The following NLRP2 variants were observed in gnomAD, a reference collection of about 807,000 sequenced individuals.
NLRP2 encodes NACHT, LRR and PYD domains-containing protein 2.
NLRP2 carries 107 observed loss-of-function variants against 97.2 expected under a neutral mutation model. The observed-to-expected ratio is 1.10, with a 90% CI of 0.94 to 1.29. NLRP2 has a LOEUF of 1.29. Ranked by LOEUF, NLRP2 falls within the 50% of genes most tolerant of loss-of-function variation. NLRP2 has a pLI of 0.00. For missense variants in NLRP2, 1,495 were observed against 1,330.3 expected (o/e 1.12, Z -1.93); for synonymous variants, 663 against 551.5 (o/e 1.20, Z -2.83).
intron 11 of NLRP2, among the ~76,000 whole-genome samples, chr19:54,996,034 T>G: frequency 1.1e-5 from 1 of 90,246 alleles, no homozygotes. Context: ...TGAGATCCTG[T>G]CTCAAAAAAA....
chr19:55,001,031 C>CCAGCA lies in NLRP2; in HGVS notation c.*133_*134insCAGCA. ...TCATTGCTGGGCTAGATGTTTTAGC[C>CCAGCA]ATGATTCTGCCTCTGTTTTATACCT... On this transcript the variant is annotated 3_prime_UTR_variant, in exon 13 of 13. Transcript: ENST00000448584. 1 of 772,288 alleles carries CCAGCA rather than the reference C, an allele frequency of 1.3e-6. No individual in the cohort carries two copies. The highest frequency in any genetic ancestry group is 2.2e-6 in the Non-Finnish European group (1 of 451,306). 47.8% of individuals were successfully genotyped at this position (772,288 alleles called of 1,614,324 possible).
At position 54,977,736 on chromosome 19, in the gene NLRP2, C is replaced by T. The variant is rs201748462; in HGVS notation, c.326-16C>T. On this transcript the variant is annotated splice_polypyrimidine_tract_variant and intron_variant, in intron 3 of 12. Coordinates refer to ENST00000448584, the MANE Select transcript of NLRP2 (RefSeq NM_017852.5). ...CAGCACAGCAACAGGCCTGTAATGC[C>T]GCCCTTTTTCTCCAGGGATAACACG... 54 of 1,613,502 alleles carry T rather than the reference C, an allele frequency of 3.3e-5. No homozygotes were observed. The highest frequency in any genetic ancestry group is 7.7e-5 in the South Asian group (7 of 91,054).
At chr19:54,996,929 C>T (rs1401392276) in intron 11 of NLRP2, among the ~76,000 whole-genome samples, 2 of 152,030 alleles carry the variant, frequency 1.3e-5, no homozygotes, top group Non-Finnish European at 2.9e-5. Flanking sequence ...TTTTTTGAGA[C>T]CGGAGTCTCA....
chr19:54,988,613 G>A (rs1164341204), intron 8 of NLRP2, among the ~76,000 whole-genome samples: 1 of 151,842 alleles, frequency 6.6e-6, no homozygotes, highest in Non-Finnish European at 1.5e-5. Flanking sequence ...GGCTGGTCTC[G>A]AACTCCTGAC....
chr19:54,988,023 A>G (rs1022342654), intron 8 of NLRP2, among the ~76,000 whole-genome samples: 1 of 152,156 alleles, frequency 6.6e-6, no homozygotes, highest in Non-Finnish European at 1.5e-5. Context: ...CAGCCTGGGC[A>G]ACAGAGCAAA....
rs1165462336 is a variant in NLRP2, at chr19:54,977,790, G to A, written c.364G>A (p.Glu122Lys). 25 of 1,613,810 alleles carry A rather than the reference G, an allele frequency of 1.5e-5. No homozygotes were observed. The highest frequency in any genetic ancestry group is 6.7e-5 in the East Asian group (3 of 44,860). The change falls in exon 4 of 13, where the codon GAA (glutamate) becomes AAA (lysine). Residue 122 changes from glutamate to lysine, a missense_variant. Transcript: ENST00000448584. ...AGAACGACCACCTCTAGACGTGGAC[G>A]AAATGCTGGAGCGCTTCAAAACAGA... ...RKERPPLDVD[E>K]MLERFKTEAQ...
rs73612064 is a variant in NLRP2, at chr19:54,999,722, A to T, written c.3051-1038A>T. On this transcript the variant is annotated intron_variant, in intron 12 of 12. Coordinates refer to ENST00000448584, the MANE Select transcript of NLRP2 (RefSeq NM_017852.5). ...AAAAAGAGAAATGAAAGTCTTTAATATTACATTTTATTATTTACTTCATTT... is the reference window on the plus strand; with the variant it reads ...AAAAAGAGAAATGAAAGTCTTTAATTTTACATTTTATTATTTACTTCATTT... Among the ~76,000 whole-genome samples the T allele has an allele frequency of 8.6e-3, 1,313 of 152,256 alleles. 14 individuals carry two copies. The highest frequency in any genetic ancestry group is 0.03 in the African/African-American group (1,262 of 41,538).
intron 10 of NLRP2, 100 bp from the exon 11 acceptor site, chr19:54,994,169 C>A: frequency 8.1e-7 from 1 of 1,234,374 alleles, no homozygotes; most frequent in Non-Finnish European, 1.2e-6. Context: ...TCACCACTGT[C>A]TCTAAGTGTG....
chr19:54,981,384 C>T (rs2071558290), intron 4 of NLRP2, among the ~76,000 whole-genome samples: 2 of 151,802 alleles, frequency 1.3e-5, no homozygotes, highest in South Asian at 2.1e-4. Context: ...CCAGGCTGGT[C>T]TCGAACTCCT....
rs1257079334 is a variant in NLRP2, at chr19:54,998,922, CAT to C, written c.3050+1436_3050+1437del. On this transcript the variant is annotated intron_variant, in intron 12 of 12. Transcript: ENST00000448584. ...CGTTTAACTCTGAGTGGACACAGCA[CAT>C]GTTTCAGAGAGCACGGGGTTGGGGG... Among the ~76,000 whole-genome samples, 347 of 151,698 alleles carry C rather than the reference CAT, an allele frequency of 2.3e-3. 6 individuals are homozygous for C. Among genetic ancestry groups the C allele is most frequent in the African/African-American group, 8.1e-3 (335 of 41,218 alleles).
chr19:55,000,758 A>G lies in NLRP2; in HGVS notation c.3051-2A>G, dbSNP rs2073142500. 6.2e-7 allele frequency: 1 copy of G among 1,613,620 alleles called. No homozygotes were observed. Among genetic ancestry groups the G allele is most frequent in the Non-Finnish European group, 8.5e-7 (1 of 1,179,660 alleles). On this transcript the variant is annotated splice_acceptor_variant, in intron 12 of 12. Transcript: ENST00000448584. LOFTEE classifies it high-confidence loss of function. ...ACCTTTTCTTCCCCCATTGTACCCCAGGTTGAAAATCGATGACTTTAATGA... is the reference window on the plus strand; with the variant it reads ...ACCTTTTCTTCCCCCATTGTACCCCGGGTTGAAAATCGATGACTTTAATGA...
intron 1 of NLRP2, among the ~76,000 whole-genome samples, chr19:54,968,712 T>C (rs2070644387): frequency 1.4e-5 from 2 of 139,706 alleles, no homozygotes; most frequent in Admixed American, 7.6e-5. Context: ...TTTTTTTTTT[T>C]TGAGACAGTT....
chr19:54,975,120 T>G (rs1010543517), intron 3 of NLRP2, among the ~76,000 whole-genome samples: 773 of 44,382 alleles, frequency 0.017, 49 homozygotes, highest in African/African-American at 0.069. Flanking sequence ...TTTTTTTTTT[T>G]TTTTTTTTTT....
At chr19:54,981,511 C>CCCCCCCCCCCCCCG in intron 4 of NLRP2, 106 bp from the exon 5 acceptor site, 3 of 265,228 alleles carry the variant, frequency 1.1e-5, no homozygotes, top group Admixed American at 3.6e-5. Context: ...GATCCCGTGC[C>CCCCCCCCCCCCCCG]CCCCCTCCCC....
At chr19:54,985,921 C>T (rs988895526) in intron 7 of NLRP2, among the ~76,000 whole-genome samples, 22 of 151,748 alleles carry the variant, frequency 1.4e-4, no homozygotes, top group Non-Finnish European at 2.8e-4. Context: ...CGCTTGAATC[C>T]GGGAGGCAGA....
intron 8 of NLRP2, among the ~76,000 whole-genome samples, chr19:54,986,607 A>G (rs974502965): frequency 2.0e-5 from 3 of 151,256 alleles, no homozygotes; most frequent in Non-Finnish European, 2.9e-5. Flanking sequence ...CCAAAGTGCA[A>G]TGGCACGATC....
chr19:54,997,477 C>T lies in NLRP2; in HGVS notation c.3040C>T (p.Arg1014Trp), dbSNP rs996672212. 5 of 1,614,150 alleles carry T rather than the reference C, an allele frequency of 3.1e-6. No homozygotes were observed. The highest frequency in any genetic ancestry group is 1.1e-5 in the South Asian group (1 of 91,080). ...ETLTCSSGTL[R>W]TLRLKIDDFN... ...CTTGACATGTTCCAGTGGCACCCTC[C>T]GGACACTCAGGTATGATCCATTTAC... Residue 1014 changes from arginine (R) to tryptophan (W), a missense_variant, in exon 12 of 13, where the codon CGG (arginine) becomes TGG (tryptophan). Coordinates refer to ENST00000448584, the MANE Select transcript of NLRP2 (RefSeq NM_017852.5).
rs914858409 is a variant in NLRP2 at position 55,001,029 on chromosome 19, G to A, written c.*131G>A. ...GTTCATTGCTGGGCTAGATGTTTTA[G>A]CCATGATTCTGCCTCTGTTTTATAC... On this transcript the variant is annotated 3_prime_UTR_variant, in exon 13 of 13. Coordinates refer to ENST00000448584, the MANE Select transcript of NLRP2 (RefSeq NM_017852.5). The A allele has an allele frequency of 1.5e-5, 12 of 794,788 alleles. No homozygotes were observed. In the African/African-American group the frequency reaches 1.9e-4, roughly 12 times the overall value. The allele number at this position is 794,788 out of a possible 1,614,324, so 49.2% of individuals were successfully genotyped here.
intron 10 of NLRP2, chr19:54,991,632 T>C (rs968947859): frequency 2.0e-5 from 3 of 151,960 alleles, no homozygotes; most frequent in African/African-American, 7.3e-5. Context: ...CTCAGCACTT[T>C]AGGAGGCGGG....
Sources: gnomAD v4.1 joint callset for allele counts (sites outside exome capture counted in the v4.1 genomes callset) on GRCh38, gnomAD v4.1.1 for gene constraint, MANE v1.5 for transcripts, NCBI Gene and HGNC (gene_info 2026-07-23, HGNC 2026-07-21) for gene names.